The following SORBS2 variants were observed in gnomAD, a reference collection of about 807,000 sequenced individuals.
SORBS2 encodes the protein sorbin and SH3 domain-containing protein 2.
SORBS2 carries 46 observed loss-of-function variants against 97.7 expected under a neutral mutation model. The observed-to-expected ratio is 0.47, with a 90% CI of 0.37 to 0.60. The LOEUF (loss-of-function observed/expected upper bound fraction) is 0.60, where lower values mean the gene tolerates loss of function less well. SORBS2 is among the 20% of genes least tolerant of loss of function. The pLI, the probability that SORBS2 is intolerant of heterozygous loss-of-function variation, is 0.00. For synonymous variants in SORBS2, 476 were observed against 473.4 expected (o/e 1.01, Z -0.07); for missense variants, 1,316 against 1,282.3 (o/e 1.03, Z -0.40).
intron 1 of SORBS2, among the ~76,000 whole-genome samples, chr4:185,868,499 C>T (rs895286690): frequency 6.6e-6 from 1 of 151,964 alleles, no homozygotes; most frequent in African/African-American, 2.4e-5. Context: ...CCTAAAATTT[C>T]AAGAAGGAGG....
Position 185,778,413 on chromosome 4 carries a change from CAACAT to C in SORBS2, c.-337-3052_-337-3048del, listed in dbSNP as rs571378743. 7.4e-3 allele frequency among the ~76,000 whole-genome samples: 1,129 copies of C among 152,206 alleles called. 7 individuals are homozygous for C. The highest frequency in any genetic ancestry group is 0.017 in the Middle Eastern group (5 of 294). ...CTTCTTAAAAAAGTAGTCCACGGAC[CAACAT>C]TAACGTCATCACTTAGGATCTTGTT... On this transcript the variant is annotated intron_variant, in intron 1 of 20. Coordinates refer to the SORBS2 transcript ENST00000284776.
At chr4:185,717,556 T>C (rs917296002) in intron 2 of SORBS2, among the ~76,000 whole-genome samples, 11 of 152,210 alleles carry the variant, frequency 7.2e-5, no homozygotes, top group Admixed American at 2.0e-4. Context: ...GGGTGGCTTG[T>C]GGTTTAAAAG....
chr4:185,918,596 C>G (rs369020320), intron 1 of SORBS2: 2 of 152,324 alleles, frequency 1.3e-5, no homozygotes, highest in South Asian at 2.1e-4. Context: ...GAGGTCACCA[C>G]GGCCTCACGG....
chr4:185,851,325 T>C (rs1399442691), intron 1 of SORBS2, among the ~76,000 whole-genome samples: 1 of 152,128 alleles, frequency 6.6e-6, no homozygotes, highest in African/African-American at 2.4e-5. Flanking sequence ...GTTTACAAGT[T>C]TATTTAGAAA....
intron 2 of SORBS2, among the ~76,000 whole-genome samples, chr4:185,723,839 G>C (rs999983625): frequency 6.6e-6 from 1 of 152,184 alleles, no homozygotes; most frequent in Non-Finnish European, 1.5e-5. Flanking sequence ...AGGGAATAAG[G>C]AAGAGGAACC....
At chr4:185,678,582 A>G (rs1335088452) in intron 3 of SORBS2, 35 bp from the exon 7 acceptor site, 3 of 1,488,352 alleles carry the variant, frequency 2.0e-6, no homozygotes. Flanking sequence ...ATACAAAAAT[A>G]TCTACGTTCA....
chr4:185,641,772 A>C (rs2097130510), intron 4 of SORBS2, among the ~76,000 whole-genome samples: 1 of 151,704 alleles, frequency 6.6e-6, no homozygotes, highest in African/African-American at 2.4e-5. Context: ...AAAAAAAAAA[A>C]AAACCCACCA....
chr4:185,747,177 G>A (rs150978107), intron 2 of SORBS2, among the ~76,000 whole-genome samples: 817 of 152,304 alleles, frequency 5.4e-3, no homozygotes, highest in Non-Finnish European at 9.8e-3. Flanking sequence ...ACAGCAAGAA[G>A]GTGGCCGTCG....
chr4:185,696,090 G>C (rs2098171466), intron 2 of SORBS2, among the ~76,000 whole-genome samples: 1 of 152,084 alleles, frequency 6.6e-6, no homozygotes, highest in South Asian at 2.1e-4. Context: ...ATCATTTCTA[G>C]GAATAAGGAG....
At chr4:185,750,768 A>G (rs1337140608) in intron 2 of SORBS2, among the ~76,000 whole-genome samples, 1 of 152,180 alleles carries the variant, frequency 6.6e-6, no homozygotes. Flanking sequence ...TTTGAATAAG[A>G]AAACTGGGCT....
chr4:185,855,290 A>G (rs2099220155), intron 1 of SORBS2, among the ~76,000 whole-genome samples: 1 of 152,194 alleles, frequency 6.6e-6, no homozygotes, highest in South Asian at 2.1e-4. Flanking sequence ...ACCTTCAACT[A>G]CACAACTCAG....
At chr4:185,935,817 C>T (rs542470484) in intron 1 of SORBS2, among the ~76,000 whole-genome samples, 2 of 151,922 alleles carry the variant, frequency 1.3e-5, no homozygotes, top group Admixed American at 1.3e-4. Flanking sequence ...GAGACACAGG[C>T]TGCCTTTGAA....
rs149027281 is a variant in SORBS2 at position 185,910,343 on chromosome 4, TTG to T, written c.-338+45851_-338+45852del. Among the ~76,000 whole-genome samples the T allele has an allele frequency of 1.4e-3, 210 of 152,310 alleles. 4 individuals carry two copies. Among genetic ancestry groups the T allele is most frequent in the African/African-American group, 4.7e-3 (196 of 41,568 alleles). ...CTCTTACTGAAAAGAAATGCTGATT[TTG>T]TAACAAAGAAGCCTTGCTATCCTTC... On this transcript the variant is annotated intron_variant, in intron 1 of 20. Coordinates refer to the SORBS2 transcript ENST00000284776.
chr4:185,619,991 A>G, intron 8 of SORBS2, 72 bp downstream of exon 20: 1 of 909,682 alleles, frequency 1.1e-6, no homozygotes, highest in Non-Finnish European at 1.9e-6. Flanking sequence ...CTGGTTTGGG[A>G]TAATTTTTGG....
chr4:185,912,667 C>G (rs2099255973), intron 1 of SORBS2, among the ~76,000 whole-genome samples: 1 of 150,822 alleles, frequency 6.6e-6, no homozygotes, highest in South Asian at 2.1e-4. Flanking sequence ...AAACAAGAAG[C>G]TGTCACTAAA....
chr4:185,676,749 GA>G (rs11325803), intron 4 of SORBS2, among the ~76,000 whole-genome samples: 150,749 of 151,706 alleles, frequency 0.99, 74,899 homozygotes, highest in East Asian at 1. Context: ...ACATCTAGAA[GA>G]AAAAAAAAAA....
chr4:185,611,810 A>T (rs2096543251), exon 12 of SORBS2: 1 of 1,614,098 alleles, frequency 6.2e-7, no homozygotes, highest in Non-Finnish European at 8.5e-7. Context: ...GAATCCTATC[A>T]CTAGAATAGC....
chr4:185,717,541 A>C (rs933318482), intron 2 of SORBS2, among the ~76,000 whole-genome samples: 2 of 152,156 alleles, frequency 1.3e-5, no homozygotes, highest in African/African-American at 4.8e-5. Flanking sequence ...ACACATAGGC[A>C]TGGGGGGTGG....
At chr4:185,930,041 A>G (rs1395734925) in intron 1 of SORBS2, among the ~76,000 whole-genome samples, 2 of 152,322 alleles carry the variant, frequency 1.3e-5, no homozygotes, top group Non-Finnish European at 1.5e-5. Flanking sequence ...AGCACTTACC[A>G]TGCATGGCAC....
Sources: allele counts gnomAD v4.1 joint callset (sites outside exome capture counted in the v4.1 genomes callset), GRCh38; gene constraint gnomAD v4.1.1; transcripts MANE v1.5; gene names NCBI Gene and HGNC (gene_info 2026-07-23, HGNC 2026-07-21).